The following LIPC variants were observed in gnomAD, a reference collection of about 807,000 sequenced individuals.
LIPC encodes the protein hepatic triacylglycerol lipase.
In LIPC, 44 loss-of-function variants were observed where a neutral mutation model predicts 50.7. That is an observed-to-expected ratio of 0.87 (90% CI 0.68 to 1.11). The LOEUF (loss-of-function observed/expected upper bound fraction) is 1.11. LIPC is among the 50% of genes most tolerant of loss of function. The probability of loss-of-function intolerance (pLI) is 0.00; values close to 1 mark genes in which losing one functional copy is unlikely to be tolerated. For missense variants in LIPC, 697 were observed against 648.2 expected (o/e 1.08, Z -0.82); for synonymous variants, 271 against 256.4 (o/e 1.06, Z -0.54).
At chr15:58,491,787 C>G (rs888849273) in intron 1 of LIPC, among the ~76,000 whole-genome samples, 1 of 152,222 alleles carries the variant, frequency 6.6e-6, no homozygotes. Context: ...TTCCCTCATC[C>G]CTGGCCTGAC....
At chr15:58,458,162 A>C (rs1236607808) in intron 1 of LIPC, among the ~76,000 whole-genome samples, 1 of 81,378 alleles carries the variant, frequency 1.2e-5, no homozygotes, top group Non-Finnish European at 2.6e-5. Context: ...GAAGCAGGGA[A>C]ATTGCTGGAG....
At chr15:58,557,087 A>G (rs1023849103) in intron 6 of LIPC, among the ~76,000 whole-genome samples, 1 of 152,188 alleles carries the variant, frequency 6.6e-6, no homozygotes, top group Non-Finnish European at 1.5e-5. Flanking sequence ...CCACAATTCA[A>G]CTTTTTCCTT....
chr15:58,468,830 G>A (rs1429449824), intron 1 of LIPC, among the ~76,000 whole-genome samples: 4 of 152,094 alleles, frequency 2.6e-5, no homozygotes, highest in Non-Finnish European at 4.4e-5. Context: ...ATTCATTAAG[G>A]GTTTATGTGT....
intron 1 of LIPC, among the ~76,000 whole-genome samples, chr15:58,496,113 T>C (rs1193775909): frequency 6.6e-6 from 1 of 152,100 alleles, no homozygotes; most frequent in Non-Finnish European, 1.5e-5. Flanking sequence ...GCAGTGGTTC[T>C]CAGTGGTTCT....
At chr15:58,550,896 GC>G (rs1434777571) in intron 6 of LIPC, among the ~76,000 whole-genome samples, 29 of 136,416 alleles carry the variant, frequency 2.1e-4, no homozygotes, top group Non-Finnish European at 2.6e-4. Context: ...GAGTGCAGTG[GC>G]GTGATCTTGG....
At chr15:58,465,302 A>T (rs1217352135) in intron 1 of LIPC, among the ~76,000 whole-genome samples, 2 of 152,114 alleles carry the variant, frequency 1.3e-5, no homozygotes, top group African/African-American at 4.8e-5. Context: ...ATGGATATTT[A>T]CTTATAATTG....
At chr15:58,509,838 G>C (rs1892277527) in intron 1 of LIPC, among the ~76,000 whole-genome samples, 1 of 151,988 alleles carries the variant, frequency 6.6e-6, no homozygotes, top group Non-Finnish European at 1.5e-5. Context: ...TGATAGGAAT[G>C]CTGTCAATGG....
intron 1 of LIPC, among the ~76,000 whole-genome samples, chr15:58,471,611 T>A (rs1890808679): frequency 6.6e-6 from 1 of 152,196 alleles, no homozygotes; most frequent in Admixed American, 6.5e-5. Flanking sequence ...CTGAGTGCCA[T>A]ACACTGCAGT....
rs386383140 is a variant in LIPC at position 58,557,379 on chromosome 15, C to CTTTTTTTTTTTTT, written c.1052-3474_1052-3462dup. On this transcript the variant is annotated intron_variant, in intron 6 of 8. Coordinates refer to ENST00000299022, the MANE Select transcript of LIPC (RefSeq NM_000236.3). ...ATCATGCATACTGCCATTATATGCT[C>CTTTTTTTTTTTTT]TTTTTTTTTTTTTTTTTTTTTTTGA... is the stretch of plus-strand genomic sequence containing the variant. 5.3e-4 allele frequency among the ~76,000 whole-genome samples: 40 copies of CTTTTTTTTTTTTT among 75,692 alleles called. 7 individuals carry two copies. The highest frequency in any genetic ancestry group is 9.1e-4 in the East Asian group (2 of 2,196). The allele number at this position is 75,692 out of a possible 152,430, so 49.7% of individuals were successfully genotyped here.
At chr15:58,562,810 C>CCA (rs1400543702) in intron 7 of LIPC, among the ~76,000 whole-genome samples, 1 of 151,640 alleles carries the variant, frequency 6.6e-6, no homozygotes, top group African/African-American at 2.4e-5. Context: ...AAGGGACCCC[C>CCA]CCCCAACCCC....
At chr15:58,547,018 AC>A (rs1206010144) in intron 5 of LIPC, among the ~76,000 whole-genome samples, 2 of 143,816 alleles carry the variant, frequency 1.4e-5, no homozygotes, top group African/African-American at 2.6e-5. Flanking sequence ...CCCAAACTTC[AC>A]CCCACCCAAC....
intron 1 of LIPC, among the ~76,000 whole-genome samples, chr15:58,529,802 C>T (rs1454408737): frequency 1.3e-5 from 2 of 152,168 alleles, no homozygotes; most frequent in African/African-American, 4.8e-5. Flanking sequence ...TGTCAGGTGG[C>T]CTTTCTGGGT....
chr15:58,550,027 A>C (rs529245242), intron 6 of LIPC, among the ~76,000 whole-genome samples: 1 of 152,238 alleles, frequency 6.6e-6, no homozygotes, highest in African/African-American at 2.4e-5. Flanking sequence ...TGTTCGCATC[A>C]TGAGGAGCAG....
chr15:58,493,422 G>A (rs771720847), intron 1 of LIPC, among the ~76,000 whole-genome samples: 27 of 151,852 alleles, frequency 1.8e-4, no homozygotes, highest in Non-Finnish European at 2.9e-4. Context: ...GCCCACACCC[G>A]AGTTTGGCTC....
rs150787575 is a variant in LIPC at position 58,432,356 on chromosome 15, G to C, written c.88+236G>C. 81 of 568,012 alleles carry C rather than the reference G, an allele frequency of 1.4e-4. No homozygotes were observed. The African/African-American group carries it at 1.5e-3, about 10-fold the overall frequency. 35.2% of individuals were successfully genotyped at this position (568,012 alleles called of 1,614,324 possible). A position where few individuals can be genotyped will look rare whatever the true frequency, so the allele number is the denominator to read the frequency against. ...CTTCTAAGAGTGCCTGCAGCTAGCA[G>C]TGAAGTCTCTTGCGTATCTGATATG... On this transcript the variant is annotated intron_variant, in intron 1 of 8. Coordinates refer to ENST00000299022, the MANE Select transcript of LIPC (RefSeq NM_000236.3).
chr15:58,532,697 C>G (rs954416462), intron 1 of LIPC, among the ~76,000 whole-genome samples: 3 of 152,144 alleles, frequency 2.0e-5, no homozygotes, highest in African/African-American at 7.2e-5. Flanking sequence ...GCATCATGGG[C>G]GGGAGGCAGA....
intron 1 of LIPC, among the ~76,000 whole-genome samples, chr15:58,532,053 G>A (rs1420365543): frequency 6.6e-6 from 1 of 152,196 alleles, no homozygotes; most frequent in Non-Finnish European, 1.5e-5. Context: ...ACAAAGTTTA[G>A]TAACTATTGT....
chr15:58,485,203 C>T (rs566313352), intron 1 of LIPC, among the ~76,000 whole-genome samples: 12 of 152,116 alleles, frequency 7.9e-5, no homozygotes, highest in Non-Finnish European at 1.3e-4. Flanking sequence ...AGCAGGGAGA[C>T]CCCGGGGGAG....
At chr15:58,568,001 C>T (rs1485046165) in intron 8 of LIPC, among the ~76,000 whole-genome samples, 3 of 152,058 alleles carry the variant, frequency 2.0e-5, no homozygotes, top group East Asian at 1.9e-4. Flanking sequence ...GAAGACTTGA[C>T]CTTAGACGCA....
Sources: gnomAD v4.1 joint callset for allele counts (sites outside exome capture counted in the v4.1 genomes callset) on GRCh38, gnomAD v4.1.1 for gene constraint, MANE v1.5 for transcripts, NCBI Gene and HGNC (gene_info 2026-07-23, HGNC 2026-07-21) for gene names.